RPS6KC1: variants seen among roughly 807,000 people sequenced by gnomAD.
RPS6KC1 encodes inactive ribosomal protein S6 kinase delta-1.
In RPS6KC1, 54 loss-of-function variants were observed where a neutral mutation model predicts 103.8. The observed-to-expected ratio is 0.52, with a 90% confidence interval of 0.42 to 0.65. The LOEUF is 0.65. Ranked by LOEUF, RPS6KC1 falls within the 30% of genes least tolerant of loss-of-function variation. The probability of loss-of-function intolerance (pLI) is 0.00; values close to 1 mark genes in which losing one functional copy is unlikely to be tolerated. For missense variants in RPS6KC1, 1,151 were observed against 1,253.8 expected, an observed-to-expected ratio of 0.92 and a Z score of 1.24; for synonymous variants, 439 against 438.7, an observed-to-expected ratio of 1.00 and a Z score of -0.01.
the RPS6KC1 span, among the ~76,000 whole-genome samples, chr1:213,411,651 T>C: frequency 6.6e-5 from 10 of 152,102 alleles, no homozygotes; most frequent in Admixed American, 4.6e-4. Context: ...GCCTTCAAGG[T>C]GACATGTCAT....
chr1:213,679,084 T>C, the RPS6KC1 span, among the ~76,000 whole-genome samples: 3 of 152,168 alleles, frequency 2.0e-5, no homozygotes, highest in African/African-American at 7.2e-5. Flanking sequence ...CCCTGGTCAG[T>C]TCAAGACAGA....
the RPS6KC1 span, among the ~76,000 whole-genome samples, chr1:213,801,163 T>A: frequency 6.6e-6 from 1 of 152,188 alleles, no homozygotes; most frequent in Non-Finnish European, 1.5e-5. Flanking sequence ...CTTAGTGACA[T>A]CTAAATGCAG....
chr1:213,556,266 C>A, the RPS6KC1 span, among the ~76,000 whole-genome samples: 5 of 151,872 alleles, frequency 3.3e-5, no homozygotes, highest in African/African-American at 1.2e-4. Flanking sequence ...AGACTGGGAT[C>A]AAAAAAGGTG....
the RPS6KC1 span, among the ~76,000 whole-genome samples, chr1:213,560,581 A>G: frequency 2.0e-5 from 3 of 152,314 alleles, no homozygotes; most frequent in East Asian, 5.8e-4. Flanking sequence ...CCTACATATG[A>G]GAACACAGCC....
At chr1:213,536,934 T>C in the RPS6KC1 span, among the ~76,000 whole-genome samples, 601 of 152,266 alleles carry the variant, frequency 3.9e-3, 8 homozygotes, top group African/African-American at 0.013. Context: ...TATACAGAAT[T>C]GGTCCGGTGG....
At chr1:213,494,221 T>TC in the RPS6KC1 span, among the ~76,000 whole-genome samples, 1 of 152,094 alleles carries the variant, frequency 6.6e-6, no homozygotes, top group Non-Finnish European at 1.5e-5. Flanking sequence ...TTTGACAGAC[T>TC]CTAAGGGCAG....
chr1:213,828,393 T>A, the RPS6KC1 span, among the ~76,000 whole-genome samples: 2 of 152,326 alleles, frequency 1.3e-5, no homozygotes, highest in Non-Finnish European at 2.9e-5. Context: ...AAACAAGTTT[T>A]TTTAAATCTC....
the RPS6KC1 span, among the ~76,000 whole-genome samples, chr1:213,671,200 C>A: frequency 3.3e-5 from 5 of 152,280 alleles, no homozygotes; most frequent in Middle Eastern, 3.4e-3. Flanking sequence ...GCCTTAAAAA[C>A]AGGAAATTTT....
chr1:213,103,185 CAAAA>C (rs567198765), intron 3 of RPS6KC1, among the ~76,000 whole-genome samples: 2 of 98,280 alleles, frequency 2.0e-5, no homozygotes, highest in Non-Finnish European at 2.2e-5. Flanking sequence ...GACCCTGTCT[CAAAA>C]AAAAAAAAAA....
At chr1:213,487,114 T>C in the RPS6KC1 span, among the ~76,000 whole-genome samples, 2 of 152,244 alleles carry the variant, frequency 1.3e-5, no homozygotes, top group African/African-American at 4.8e-5. Context: ...TTAGAATAAC[T>C]ACAATAGGCC....
intron 3 of RPS6KC1, among the ~76,000 whole-genome samples, chr1:213,082,580 A>G (rs2148581494): frequency 6.6e-6 from 1 of 152,344 alleles, no homozygotes; most frequent in South Asian, 2.1e-4. Flanking sequence ...AAGTTTAGCA[A>G]CACTGTTGCC....
chr1:213,717,495 A>T, the RPS6KC1 span, among the ~76,000 whole-genome samples: 1 of 152,218 alleles, frequency 6.6e-6, no homozygotes, highest in Admixed American at 6.5e-5. Context: ...TAGTTGGCTA[A>T]AGCGTTGAGT....
intron 10 of RPS6KC1, among the ~76,000 whole-genome samples, chr1:213,237,488 T>A (rs2094248557): frequency 6.6e-6 from 1 of 152,148 alleles, no homozygotes; most frequent in African/African-American, 2.4e-5. Flanking sequence ...AGTACTCATA[T>A]AAATACATGT....
the RPS6KC1 span, among the ~76,000 whole-genome samples, chr1:213,413,875 G>T: frequency 1.3e-5 from 2 of 152,336 alleles, no homozygotes; most frequent in Middle Eastern, 3.4e-3. Context: ...AAGACAGCCA[G>T]AAATGGATTT....
At chr1:213,137,288 T>C (rs2086388211) in intron 6 of RPS6KC1, among the ~76,000 whole-genome samples, 1 of 151,710 alleles carries the variant, frequency 6.6e-6, no homozygotes, top group Non-Finnish European at 1.5e-5. Context: ...TTTTCTTCAC[T>C]TTCGAGCCTA....
the RPS6KC1 span, among the ~76,000 whole-genome samples, chr1:213,540,550 C>T: frequency 6.6e-6 from 1 of 152,108 alleles, no homozygotes; most frequent in South Asian, 2.1e-4. Context: ...GGGGTTTTGC[C>T]ATGTTGCCGA....
At chr1:213,052,178 C>T (rs1297522090) in intron 1 of RPS6KC1, among the ~76,000 whole-genome samples, 1 of 152,016 alleles carries the variant, frequency 6.6e-6, no homozygotes, top group African/African-American at 2.4e-5. Flanking sequence ...ATTGCTTTTG[C>T]CTTGAGTTTT....
chr1:213,165,264 T>C (rs972583633), intron 6 of RPS6KC1, among the ~76,000 whole-genome samples: 13 of 152,180 alleles, frequency 8.5e-5, no homozygotes, highest in Admixed American at 2.6e-4. Flanking sequence ...TGAGTCTTGC[T>C]CTGTTGCCCG....
the RPS6KC1 span, among the ~76,000 whole-genome samples, chr1:213,748,618 G>A: frequency 1.3e-5 from 2 of 152,154 alleles, no homozygotes; most frequent in Non-Finnish European, 2.9e-5. Context: ...AGGGTTTCTA[G>A]TGAAAATTAG....
Sources: gnomAD v4.1 joint callset for allele counts (sites outside exome capture counted in the v4.1 genomes callset) on GRCh38, gnomAD v4.1.1 for gene constraint, MANE v1.5 for transcripts, NCBI Gene and HGNC (gene_info 2026-07-23, HGNC 2026-07-21) for gene names.